Variants in TMPRSS15 observed in about 807,000 individuals in gnomAD.
TMPRSS15 encodes transmembrane serine protease 15, also known as enteropeptidase.
In TMPRSS15, 128 loss-of-function variants were observed where a neutral mutation model predicts 125.3. That is an observed-to-expected ratio of 1.02 (90% confidence interval 0.89 to 1.18). TMPRSS15 has a LOEUF of 1.18. TMPRSS15 is among the 50% of genes most tolerant of loss of function. The pLI, the probability that TMPRSS15 is intolerant of heterozygous loss-of-function variation, is 0.00. For synonymous variants in TMPRSS15, 446 were observed against 423.2 expected, an observed-to-expected ratio of 1.05 and a Z score of -0.66; for missense variants, 1,283 against 1,212.7, an observed-to-expected ratio of 1.06 and a Z score of -0.86.
Position 18,396,808 on chromosome 21 carries a change from G to GTCTGTCTGTCTGTCTGTCTGTCTA in TMPRSS15, c.344+1070_344+1071insTAGACAGACAGACAGACAGACAGA, listed in dbSNP as rs1461927983. ...AAAAAAAAAATCTGTCTGTCTGTCT[G>GTCTGTCTGTCTGTCTGTCTGTCTA]TCTATCTATCTATCTATCTATCTAT... On this transcript the variant is annotated intron_variant, in intron 3 of 24. Transcript: ENST00000284885. Among the ~76,000 whole-genome samples, 364 of 107,868 alleles carry GTCTGTCTGTCTGTCTGTCTGTCTA rather than the reference G, an allele frequency of 3.4e-3. 3 individuals are homozygous for GTCTGTCTGTCTGTCTGTCTGTCTA. Among genetic ancestry groups the GTCTGTCTGTCTGTCTGTCTGTCTA allele is most frequent in the East Asian group, 0.018 (62 of 3,452 alleles). The allele number at this position is 107,868 out of a possible 152,430, so 70.8% of individuals were successfully genotyped here. A position where few individuals can be genotyped will look rare whatever the true frequency, so the allele number is the denominator to read the frequency against.
chr21:18,323,239 T>C (rs933712103), intron 16 of TMPRSS15, among the ~76,000 whole-genome samples: 5 of 152,332 alleles, frequency 3.3e-5, no homozygotes, highest in African/African-American at 1.2e-4. Context: ...TTTGTTCTCA[T>C]GCTGCTAATA....
At chr21:18,304,204 T>A (rs897916113) in intron 18 of TMPRSS15, among the ~76,000 whole-genome samples, 1 of 152,184 alleles carries the variant, frequency 6.6e-6, no homozygotes, top group Non-Finnish European at 1.5e-5. Context: ...CTGGATTAAG[T>A]CAGATGATTC....
intron 1 of TMPRSS15, among the ~76,000 whole-genome samples, chr21:18,433,543 G>A (rs904481592): frequency 6.7e-6 from 1 of 150,260 alleles, no homozygotes; most frequent in Non-Finnish European, 1.5e-5. Flanking sequence ...AAATACAAAA[G>A]AATTAGACAG....
chr21:18,345,740 C>CAAAAAAAAAAAAAAAAAAAAAAAAAAA (rs1235619873), intron 10 of TMPRSS15, among the ~76,000 whole-genome samples: 2 of 15,560 alleles, frequency 1.3e-4, no homozygotes, highest in African/African-American at 3.3e-4. Flanking sequence ...GACTCCGTCT[C>CAAAAAAAAAAAAAAAAAAAAAAAAAAA]AAAAAAAAAA....
intron 18 of TMPRSS15, among the ~76,000 whole-genome samples, chr21:18,309,638 C>T (rs2075075747): frequency 6.6e-6 from 1 of 152,020 alleles, no homozygotes; most frequent in East Asian, 1.9e-4. Context: ...AGACAATTCT[C>T]AAAAGAAGAC....
intron 16 of TMPRSS15, among the ~76,000 whole-genome samples, chr21:18,319,021 CTA>C (rs2075205111): frequency 6.6e-6 from 1 of 151,964 alleles, no homozygotes; most frequent in Admixed American, 6.6e-5. Context: ...ATTTTTAAAA[CTA>C]TGATTTCAAA....
intron 6 of TMPRSS15, among the ~76,000 whole-genome samples, chr21:18,369,100 AT>A (rs1020439169): frequency 3.9e-5 from 6 of 152,152 alleles, no homozygotes; most frequent in Non-Finnish European, 5.9e-5. Context: ...AGAAAAAAAA[AT>A]CTAAGTAGAA....
intron 1 of TMPRSS15, among the ~76,000 whole-genome samples, chr21:18,432,417 ATC>A (rs1342304576): frequency 6.6e-6 from 1 of 152,300 alleles, no homozygotes; most frequent in East Asian, 1.9e-4. Context: ...GAAGTCCTAA[ATC>A]TCAGTACCTC....
chr21:18,444,755 T>C (rs2076251146), intron 1 of TMPRSS15, among the ~76,000 whole-genome samples: 1 of 152,178 alleles, frequency 6.6e-6, no homozygotes, highest in Admixed American at 6.5e-5. Context: ...AATATATTAT[T>C]ATTAACTATA....
At chr21:18,362,154 G>C (rs2147026315) in intron 7 of TMPRSS15, among the ~76,000 whole-genome samples, 1 of 152,258 alleles carries the variant, frequency 6.6e-6, no homozygotes, top group East Asian at 1.9e-4. Flanking sequence ...GACAGAGAAG[G>C]AAAGTAAAGC....
At chr21:18,328,139 A>G (rs1401338979) in intron 15 of TMPRSS15, among the ~76,000 whole-genome samples, 1 of 152,170 alleles carries the variant, frequency 6.6e-6, no homozygotes, top group Non-Finnish European at 1.5e-5. Context: ...GTGTGTCAGC[A>G]TGTATTCTAT....
At chr21:18,361,105 G>A (rs1362435169) in intron 7 of TMPRSS15, among the ~76,000 whole-genome samples, 1 of 152,054 alleles carries the variant, frequency 6.6e-6, no homozygotes, top group Admixed American at 6.6e-5. Flanking sequence ...GCTGGTATAA[G>A]AGCATAGAAG....
At chr21:18,314,991 A>G (rs974587201) in intron 17 of TMPRSS15, among the ~76,000 whole-genome samples, 155 bp downstream of exon 17, 1 of 152,236 alleles carries the variant, frequency 6.6e-6, no homozygotes, top group African/African-American at 2.4e-5. Flanking sequence ...CCAGATGGGG[A>G]CAGAGGTGCT....
chr21:18,440,965 G>T (rs1601463802), intron 1 of TMPRSS15, among the ~76,000 whole-genome samples: 1 of 151,994 alleles, frequency 6.6e-6, no homozygotes, highest in East Asian at 1.9e-4. Flanking sequence ...TTGAACAATT[G>T]AACAATCAAG....
At position 18,399,725 on chromosome 21, in the gene TMPRSS15, C is replaced by T. The variant is rs75001783; in HGVS notation, c.146-1396G>A. 3.7e-3 allele frequency among the ~76,000 whole-genome samples: 565 copies of T among 152,104 alleles called. 3 individuals are homozygous for T. Among genetic ancestry groups the T allele is most frequent in the African/African-American group, 0.013 (540 of 41,536 alleles). On this transcript the variant is annotated intron_variant, in intron 1 of 24. Transcript: ENST00000284885. Reference sequence around the variant, plus strand: ...AACGAAATATTAACATCCAAGGAAGCTGGGTTATATGAGAACTCTGTACAA... The same window carrying T: ...AACGAAATATTAACATCCAAGGAAGTTGGGTTATATGAGAACTCTGTACAA...
At chr21:18,348,409 A>C (rs2075531702) in intron 10 of TMPRSS15, among the ~76,000 whole-genome samples, 1 of 152,134 alleles carries the variant, frequency 6.6e-6, no homozygotes, top group African/African-American at 2.4e-5. Flanking sequence ...AACTGGAGAG[A>C]TAGTAGAACT....
chr21:18,470,341 T>G (rs1978753688), intron 1 of TMPRSS15, among the ~76,000 whole-genome samples: 1 of 152,004 alleles, frequency 6.6e-6, no homozygotes, highest in Non-Finnish European at 1.5e-5. Flanking sequence ...GTATGCTTTT[T>G]AGGAGCCTCC....
chr21:18,455,938 G>T (rs1430637079), intron 1 of TMPRSS15, among the ~76,000 whole-genome samples: 1 of 152,132 alleles, frequency 6.6e-6, no homozygotes, highest in Non-Finnish European at 1.5e-5. Flanking sequence ...GGTTTCCTCA[G>T]AATAATTAAA....
intron 3 of TMPRSS15, among the ~76,000 whole-genome samples, chr21:18,388,938 G>A (rs572327006): frequency 6.6e-6 from 1 of 152,168 alleles, no homozygotes; most frequent in South Asian, 2.1e-4. Context: ...ATACACTCTG[G>A]AAACAGAGGG....
Sources: allele counts gnomAD v4.1 joint callset (sites outside exome capture counted in the v4.1 genomes callset), GRCh38; gene constraint gnomAD v4.1.1; transcripts MANE v1.5; gene names NCBI Gene and HGNC (gene_info 2026-07-23, HGNC 2026-07-21).